Variants in KIAA1217 observed in about 807,000 individuals in gnomAD.
KIAA1217 encodes sickle tail protein homolog.
Under a neutral mutation model 163.9 loss-of-function variants are expected in KIAA1217, and 88 were observed. The ratio of observed to expected loss-of-function variants is 0.54; its 90% CI spans 0.45 to 0.64. KIAA1217 has a LOEUF of 0.64. Among genes scored for constraint, KIAA1217 ranks in the 30% least tolerant of loss-of-function variants. The pLI is 0.00. For synonymous variants in KIAA1217, 903 were observed against 923.1 expected, an observed-to-expected ratio of 0.98 and a Z score of 0.39; for missense variants, 2,372 against 2,475.0, an observed-to-expected ratio of 0.96 and a Z score of 0.88.
At chr10:24,457,356 G>A (rs919517446) in intron 5 of KIAA1217, among the ~76,000 whole-genome samples, 1 of 151,732 alleles carries the variant, frequency 6.6e-6, no homozygotes, top group Non-Finnish European at 1.5e-5. Context: ...GTGTGTGTGT[G>A]TGTGTGTATG....
intron 2 of KIAA1217, among the ~76,000 whole-genome samples, chr10:24,362,960 A>G (rs2050227562): frequency 6.6e-6 from 1 of 151,976 alleles, no homozygotes; most frequent in Non-Finnish European, 1.5e-5. Flanking sequence ...GAAGAAGAAA[A>G]GAAAATCTTT....
chr10:24,164,478 C>T (rs2065255274), intron 2 of KIAA1217, among the ~76,000 whole-genome samples: 1 of 152,130 alleles, frequency 6.6e-6, no homozygotes, highest in Non-Finnish European at 1.5e-5. Flanking sequence ...AGAGGTAACC[C>T]CATCTATCCT....
intron 2 of KIAA1217, among the ~76,000 whole-genome samples, chr10:24,067,728 C>T (rs566345184): frequency 2.0e-4 from 30 of 152,320 alleles, no homozygotes; most frequent in Admixed American, 3.9e-4. Flanking sequence ...TTGTCTGTGC[C>T]CTGCCCCCAG....
chr10:23,815,884 C>T (rs1460288763), intron 1 of KIAA1217, among the ~76,000 whole-genome samples: 1 of 151,358 alleles, frequency 6.6e-6, no homozygotes, highest in Non-Finnish European at 1.5e-5. Context: ...AATGTTTTTG[C>T]TGCATAAGCA....
At chr10:24,356,601 C>G (rs968181509) in intron 2 of KIAA1217, among the ~76,000 whole-genome samples, 6 of 152,188 alleles carry the variant, frequency 3.9e-5, no homozygotes, top group Non-Finnish European at 8.8e-5. Flanking sequence ...TAAGAGGTGA[C>G]TAGGTCATGA....
At chr10:23,961,934 T>C (rs771623286) in intron 1 of KIAA1217, among the ~76,000 whole-genome samples, 5 of 152,170 alleles carry the variant, frequency 3.3e-5, no homozygotes, top group African/African-American at 4.8e-5. Context: ...AATTTCCCCT[T>C]CTTATAAAGA....
At chr10:23,903,598 C>T (rs1842035868) in intron 1 of KIAA1217, among the ~76,000 whole-genome samples, 2 of 152,022 alleles carry the variant, frequency 1.3e-5, no homozygotes, top group Admixed American at 1.3e-4. Context: ...TCAGATTTTC[C>T]TGAGTGTATC....
chr10:24,503,888 C>G (rs2068003552), intron 9 of KIAA1217, among the ~76,000 whole-genome samples: 1 of 152,172 alleles, frequency 6.6e-6, no homozygotes, highest in Admixed American at 6.5e-5. Context: ...GAAAAACATA[C>G]ATATCATTTG....
intron 1 of KIAA1217, among the ~76,000 whole-genome samples, chr10:23,812,516 T>G (rs916753484): frequency 1.3e-5 from 2 of 152,212 alleles, no homozygotes; most frequent in African/African-American, 4.8e-5. Flanking sequence ...AAGCTAGCTC[T>G]ATTGAAATAG....
intron 3 of KIAA1217, among the ~76,000 whole-genome samples, chr10:24,427,316 C>G (rs1305871622): frequency 6.6e-6 from 1 of 151,890 alleles, no homozygotes; most frequent in African/African-American, 2.4e-5. Context: ...CAGCACGCTT[C>G]AACATCTTCA....
At chr10:24,519,190 C>A (rs1405559902) in intron 10 of KIAA1217, among the ~76,000 whole-genome samples, 1 of 152,118 alleles carries the variant, frequency 6.6e-6, no homozygotes, top group Non-Finnish European at 1.5e-5. Flanking sequence ...TTACTGCCCC[C>A]TAGTGGTCCG....
chr10:24,432,921 A>C, intron 3 of KIAA1217, 74 bp from the exon 4 acceptor site: 1 of 1,192,474 alleles, frequency 8.4e-7, no homozygotes, highest in South Asian at 1.3e-5. Flanking sequence ...GCAGCAGGAA[A>C]GAAGTGGCTC....
intron 1 of KIAA1217, among the ~76,000 whole-genome samples, chr10:23,720,411 T>C (rs571547739): frequency 4.6e-5 from 7 of 152,316 alleles, no homozygotes; most frequent in African/African-American, 1.4e-4. Flanking sequence ...AGAAAAATGT[T>C]GACTAATAAA....
intron 1 of KIAA1217, among the ~76,000 whole-genome samples, chr10:23,964,060 A>AT (rs2131377503): frequency 6.6e-6 from 1 of 151,350 alleles, no homozygotes; most frequent in East Asian, 2.0e-4. Context: ...CGCTCAGCTA[A>AT]TTTTTTCTTT....
At chr10:24,386,207 C>CG (rs2053986148) in intron 3 of KIAA1217, among the ~76,000 whole-genome samples, 1 of 152,214 alleles carries the variant, frequency 6.6e-6, no homozygotes, top group Non-Finnish European at 1.5e-5. Context: ...CTCTGAAACA[C>CG]TCAGACTGAA....
intron 3 of KIAA1217, among the ~76,000 whole-genome samples, chr10:24,420,596 T>C (rs1222882305): frequency 6.6e-6 from 1 of 152,234 alleles, no homozygotes; most frequent in African/African-American, 2.4e-5. Context: ...ACCAATACAC[T>C]GGGAGACAAC....
At chr10:24,058,396 G>C (rs2060602149) in intron 2 of KIAA1217, among the ~76,000 whole-genome samples, 2 of 152,074 alleles carry the variant, frequency 1.3e-5, no homozygotes, top group African/African-American at 2.4e-5. Flanking sequence ...GATTCCATGT[G>C]AATTATAGAG....
At chr10:24,240,550 A>G (rs1404281459) in intron 2 of KIAA1217, among the ~76,000 whole-genome samples, 2 of 152,182 alleles carry the variant, frequency 1.3e-5, no homozygotes, top group African/African-American at 4.8e-5. Flanking sequence ...TGCCTCCAAC[A>G]TCGGAAGTTC....
chr10:23,708,113 C>A (rs1157959178), intron 1 of KIAA1217, among the ~76,000 whole-genome samples: 1 of 152,184 alleles, frequency 6.6e-6, no homozygotes, highest in Non-Finnish European at 1.5e-5. Flanking sequence ...GTACCTCTTA[C>A]ATGGCAGCAG....
Sources: allele counts gnomAD v4.1 joint callset (sites outside exome capture counted in the v4.1 genomes callset), GRCh38; gene constraint gnomAD v4.1.1; transcripts MANE v1.5; gene names NCBI Gene and HGNC (gene_info 2026-07-23, HGNC 2026-07-21).